TPRG1: variants seen among roughly 807,000 people sequenced by gnomAD.
TPRG1 encodes the protein tumor protein p63 regulated 1, also known as tumor protein p63-regulated gene 1 protein.
A neutral mutation model predicts 29.3 loss-of-function variants in TPRG1; 29 were observed. The ratio of observed to expected loss-of-function variants is 0.99; its 90% CI spans 0.74 to 1.35. The LOEUF (loss-of-function observed/expected upper bound fraction) is 1.35, where lower values mean the gene tolerates loss of function less well. Ranked by LOEUF, TPRG1 falls within the 40% of genes most tolerant of loss-of-function variation. The probability of loss-of-function intolerance (pLI) is 0.00; values close to 1 mark genes in which losing one functional copy is unlikely to be tolerated. For missense variants in TPRG1, 327 were observed against 335.0 expected (o/e 0.98, Z 0.19); for synonymous variants, 130 against 116.8 (o/e 1.11, Z -0.73).
intron 1 of TPRG1, among the ~76,000 whole-genome samples, chr3:189,206,047 T>TTCCTTCCTTCCTTCCTTCCTTCCTTC (rs1216401377): frequency 5.2e-4 from 28 of 53,710 alleles, no homozygotes; most frequent in Middle Eastern, 0.013. Flanking sequence ...TTCCTTCCTT[T>TTCCTTCCTTCCTTCCTTCCTTCCTTC]CTTCTGTCTT....
At chr3:189,082,582 C>T (rs1347521477) in intron 4 of TPRG1, among the ~76,000 whole-genome samples, 1 of 152,168 alleles carries the variant, frequency 6.6e-6, no homozygotes, top group Non-Finnish European at 1.5e-5. Context: ...AAGTCCAAGT[C>T]AAGATTTGTG....
intron 4 of TPRG1, among the ~76,000 whole-genome samples, chr3:189,068,496 G>A (rs1339619860): frequency 6.6e-6 from 1 of 152,206 alleles, no homozygotes; most frequent in Non-Finnish European, 1.5e-5. Flanking sequence ...AAGATTCTTG[G>A]CTGGACGCAG....
intron 1 of TPRG1, among the ~76,000 whole-genome samples, chr3:189,188,896 GTC>G (rs1191158511): frequency 6.6e-6 from 1 of 152,202 alleles, no homozygotes; most frequent in African/African-American, 2.4e-5. Flanking sequence ...ACAGAAAATA[GTC>G]TCTATTTGGG....
At chr3:189,038,434 G>C (rs1209859335) in intron 4 of TPRG1, among the ~76,000 whole-genome samples, 2 of 151,970 alleles carry the variant, frequency 1.3e-5, no homozygotes, top group East Asian at 3.9e-4. Context: ...TATAGTATTG[G>C]CAAAACTGGC....
chr3:189,257,910 T>A (rs1055763893), intron 4 of TPRG1, among the ~76,000 whole-genome samples: 4 of 152,248 alleles, frequency 2.6e-5, no homozygotes, highest in African/African-American at 4.8e-5. Flanking sequence ...TAGCCTTTTA[T>A]CAAGGTTCTT....
chr3:189,283,088 C>T (rs982294771), intron 4 of TPRG1, among the ~76,000 whole-genome samples: 1 of 152,164 alleles, frequency 6.6e-6, no homozygotes. Context: ...TCAACCCACT[C>T]TCAAGGTGAA....
intron 4 of TPRG1, among the ~76,000 whole-genome samples, chr3:189,067,882 A>G (rs1325030062): frequency 6.6e-6 from 1 of 152,180 alleles, no homozygotes; most frequent in Admixed American, 6.5e-5. Context: ...CAAAAAGACA[A>G]CCCACGGAAC....
intron 1 of TPRG1, among the ~76,000 whole-genome samples, chr3:189,193,468 G>A (rs1379512650): frequency 6.6e-6 from 1 of 151,976 alleles, no homozygotes; most frequent in African/African-American, 2.4e-5. Flanking sequence ...CCAGACTTGG[G>A]AAGCTTTCAG....
intron 4 of TPRG1, among the ~76,000 whole-genome samples, chr3:189,065,845 G>A (rs975593881): frequency 2.0e-5 from 3 of 152,050 alleles, no homozygotes; most frequent in African/African-American, 7.2e-5. Flanking sequence ...ACACAGATTG[G>A]AAAGGAAGGA....
intron 5 of TPRG1, among the ~76,000 whole-genome samples, chr3:189,320,151 G>A (rs185237050): frequency 2.3e-4 from 35 of 151,996 alleles, no homozygotes; most frequent in African/African-American, 8.0e-4. Flanking sequence ...TGACAGCGGG[G>A]TTTTTTTGCC....
At chr3:189,200,793 G>A (rs58024027) in intron 1 of TPRG1, among the ~76,000 whole-genome samples, 2,165 of 152,306 alleles carry the variant, frequency 0.014, 57 homozygotes, top group African/African-American at 0.049. Context: ...CTGGGCCTCA[G>A]TTTCCTTACT....
At chr3:189,145,446 GA>G (rs1560485651) in intron 3 of TPRG1, among the ~76,000 whole-genome samples, 1 of 151,420 alleles carries the variant, frequency 6.6e-6, no homozygotes, top group East Asian at 1.9e-4. Context: ...TAAGGAGAAA[GA>G]GTTCTGGCAT....
chr3:189,187,306 T>G lies in TPRG1; in HGVS notation c.-10+15175T>G, dbSNP rs553764932. Reference sequence around the variant, plus strand: ...GCCAAGTTCATCTAACTTTTTTTTGTTTGTTTTTTGTTTTTTTTGAGATGG... The same window carrying G: ...GCCAAGTTCATCTAACTTTTTTTTGGTTGTTTTTTGTTTTTTTTGAGATGG... On this transcript the variant is annotated intron_variant, in intron 1 of 5. Transcript: ENST00000345063. Among the ~76,000 whole-genome samples, 1,237 of 148,378 alleles carry G rather than the reference T, an allele frequency of 8.3e-3. 20 individuals are homozygous for G. Among genetic ancestry groups the G allele is most frequent in the African/African-American group, 0.03 (1,195 of 40,046 alleles).
At chr3:189,079,290 C>T (rs1045701401) in intron 4 of TPRG1, among the ~76,000 whole-genome samples, 14 of 152,032 alleles carry the variant, frequency 9.2e-5, no homozygotes, top group Admixed American at 2.6e-4. Context: ...CCAGGTGTTC[C>T]CCACCTCCAA....
At chr3:189,123,855 T>C (rs945448393) in intron 1 of TPRG1, among the ~76,000 whole-genome samples, 1 of 152,158 alleles carries the variant, frequency 6.6e-6, no homozygotes, top group Admixed American at 6.5e-5. Context: ...GGACTGGAAA[T>C]GTGCCCGGGA....
At chr3:189,262,750 G>A (rs1464169851) in intron 4 of TPRG1, among the ~76,000 whole-genome samples, 3 of 152,220 alleles carry the variant, frequency 2.0e-5, no homozygotes. Flanking sequence ...TGGCCTAGCT[G>A]GGTCCTGCCA....
intron 4 of TPRG1, among the ~76,000 whole-genome samples, chr3:189,071,248 T>C (rs566451809): frequency 6.6e-6 from 1 of 152,268 alleles, no homozygotes; most frequent in Non-Finnish European, 1.5e-5. Context: ...TCCTTTTCCA[T>C]GTGGGAACTT....
intron 1 of TPRG1, among the ~76,000 whole-genome samples, chr3:189,182,619 A>G (rs768650126): frequency 6.6e-6 from 1 of 152,140 alleles, no homozygotes; most frequent in Non-Finnish European, 1.5e-5. Flanking sequence ...CTGGAAATTT[A>G]TACTGAAAAA....
At chr3:189,107,908 C>T (rs2152202495) in intron 1 of TPRG1, among the ~76,000 whole-genome samples, 1 of 151,952 alleles carries the variant, frequency 6.6e-6, no homozygotes, top group South Asian at 2.1e-4. Flanking sequence ...TATTTTTTCT[C>T]ACTTCCTTGA....
Sources: gnomAD v4.1 joint callset for allele counts (sites outside exome capture counted in the v4.1 genomes callset) on GRCh38, gnomAD v4.1.1 for gene constraint, MANE v1.5 for transcripts, NCBI Gene and HGNC (gene_info 2026-07-23, HGNC 2026-07-21) for gene names.